PARP8: variants seen among roughly 807,000 people sequenced by gnomAD.
PARP8 encodes the protein poly(ADP-ribose) polymerase family member 8, also known as protein mono-ADP-ribosyltransferase PARP8.
In PARP8, 51 loss-of-function variants were observed where a neutral mutation model predicts 124.1. That is an observed-to-expected ratio of 0.41 (90% confidence interval 0.33 to 0.52). The LOEUF is 0.52. Ranked by LOEUF, PARP8 falls within the 20% of genes least tolerant of loss-of-function variation. PARP8 has a pLI of 0.21. For synonymous variants in PARP8, 391 were observed against 361.5 expected (o/e 1.08, Z -0.93); for missense variants, 860 against 1,018.9 (o/e 0.84, Z 2.12).
intron 2 of PARP8, among the ~76,000 whole-genome samples, chr5:50,723,307 T>G (rs1756092962): frequency 6.6e-6 from 1 of 152,102 alleles, no homozygotes; most frequent in Non-Finnish European, 1.5e-5. Flanking sequence ...GTATTAAATA[T>G]CTCTCAAGTG....
chr5:50,832,903 C>T, intron 23 of PARP8, 49 bp downstream of exon 23: 1 of 1,532,876 alleles, frequency 6.5e-7, no homozygotes, highest in South Asian at 1.1e-5. Context: ...ACTGTGGCCT[C>T]ATCAGCCAGC....
At chr5:50,727,054 T>C (rs1265188348) in intron 2 of PARP8, among the ~76,000 whole-genome samples, 1 of 152,160 alleles carries the variant, frequency 6.6e-6, no homozygotes, top group East Asian at 1.9e-4. Flanking sequence ...CCAGGGTCTT[T>C]CTGAAGGTTG....
chr5:50,821,659 C>G (rs1207479197), intron 16 of PARP8, among the ~76,000 whole-genome samples: 1 of 152,120 alleles, frequency 6.6e-6, no homozygotes, highest in African/African-American at 2.4e-5. Flanking sequence ...AATGGACTGG[C>G]CTTTCTTAAG....
intron 2 of PARP8, among the ~76,000 whole-genome samples, chr5:50,747,880 C>G: frequency 6.8e-6 from 1 of 146,356 alleles, no homozygotes; most frequent in Non-Finnish European, 1.5e-5. Context: ...TCACGCCATT[C>G]TCCTGCCCCA....
chr5:50,806,192 T>A (rs1489935314), intron 14 of PARP8, among the ~76,000 whole-genome samples: 2 of 152,176 alleles, frequency 1.3e-5, no homozygotes, highest in East Asian at 3.9e-4. Flanking sequence ...CACTTTATGG[T>A]GAGAAAAATA....
intron 10 of PARP8, among the ~76,000 whole-genome samples, chr5:50,792,808 G>C (rs1742112866): frequency 6.6e-6 from 1 of 151,992 alleles, no homozygotes; most frequent in Non-Finnish European, 1.5e-5. Flanking sequence ...ACTGCTAAAA[G>C]GGCCCCAAAA....
intron 2 of PARP8, among the ~76,000 whole-genome samples, chr5:50,714,710 C>T (rs1755122468): frequency 6.6e-6 from 1 of 152,104 alleles, no homozygotes; most frequent in African/African-American, 2.4e-5. Context: ...ATGATGGAAG[C>T]AGTCACACAG....
intron 21 of PARP8, among the ~76,000 whole-genome samples, chr5:50,829,460 T>C (rs1476941208): frequency 6.6e-6 from 1 of 152,212 alleles, no homozygotes; most frequent in Non-Finnish European, 1.5e-5. Context: ...ATGAAACTTA[T>C]GTAACCTGAA....
At chr5:50,694,289 A>G (rs1186093152) in intron 2 of PARP8, among the ~76,000 whole-genome samples, 1 of 152,200 alleles carries the variant, frequency 6.6e-6, no homozygotes, top group Admixed American at 6.5e-5. Flanking sequence ...AGTGTGGGAT[A>G]TTAGAATTCT....
chr5:50,795,825 G>C (rs1286120701), intron 12 of PARP8, among the ~76,000 whole-genome samples: 1 of 152,186 alleles, frequency 6.6e-6, no homozygotes, highest in African/African-American at 2.4e-5. Flanking sequence ...GTTAAATTGA[G>C]AATAATTCCC....
At chr5:50,771,167 T>A (rs1336888899) in intron 7 of PARP8, among the ~76,000 whole-genome samples, 1 of 151,148 alleles carries the variant, frequency 6.6e-6, no homozygotes, top group Non-Finnish European at 1.5e-5. Context: ...TATTCATTTA[T>A]TTATTTTTTG....
At chr5:50,702,304 A>G (rs1179233511) in intron 2 of PARP8, among the ~76,000 whole-genome samples, 1 of 152,182 alleles carries the variant, frequency 6.6e-6, no homozygotes, top group East Asian at 1.9e-4. Flanking sequence ...ATGTGACAAT[A>G]AATAACTTGA....
Position 50,801,342 on chromosome 5 carries a change from G to C in PARP8, c.1575+4109G>C, listed in dbSNP as rs150722149. Among the ~76,000 whole-genome samples, 634 of 151,942 alleles carry C rather than the reference G, an allele frequency of 4.2e-3. 3 individuals are homozygous for C. The highest frequency in any genetic ancestry group is 0.015 in the African/African-American group (605 of 41,460). ...TCAAACTCCTGACCTCAGGTGATCCGCCCACCTCGGCCTTCCAAAGTGATG... is the reference window on the plus strand; with the variant it reads ...TCAAACTCCTGACCTCAGGTGATCCCCCCACCTCGGCCTTCCAAAGTGATG... On this transcript the variant is annotated intron_variant, in intron 14 of 25. Transcript: ENST00000281631.
chr5:50,747,222 G>A (rs1758686943), intron 2 of PARP8, among the ~76,000 whole-genome samples: 3 of 136,340 alleles, frequency 2.2e-5, no homozygotes, highest in South Asian at 4.9e-4. Flanking sequence ...CAGCATGCCA[G>A]GGATTTGACT....
rs1297966250 is a variant in PARP8 at position 50,692,346 on chromosome 5, G to A, written c.146+24221G>A. Among the ~76,000 whole-genome samples, 11 of 151,804 alleles carry A rather than the reference G, an allele frequency of 7.2e-5. No individual in the cohort carries two copies. The South Asian group carries it at 2.3e-3, about 32-fold the overall frequency. On this transcript the variant is annotated intron_variant, in intron 2 of 25. Coordinates refer to ENST00000281631, the MANE Select transcript of PARP8 (RefSeq NM_024615.4). ...TTGTCTATTCCTGTTTATTTCAGTG[G>A]AAGTCTTCCCTAAGACTCTCAAAAT...
intron 3 of PARP8, among the ~76,000 whole-genome samples, chr5:50,754,150 T>TATATACACACACACAC (rs1312947286): frequency 1.1e-4 from 4 of 37,178 alleles, no homozygotes; most frequent in African/African-American, 3.7e-4. Flanking sequence ...TATATATATA[T>TATATACACACACACAC]ACACACACAC....
chr5:50,706,224 G>T (rs1317337763), intron 2 of PARP8, among the ~76,000 whole-genome samples: 15 of 151,606 alleles, frequency 9.9e-5, no homozygotes, highest in Non-Finnish European at 8.8e-5. Context: ...GTGAGTTTGG[G>T]TTTTTTTCAG....
chr5:50,733,224 G>A (rs2149521506), intron 2 of PARP8, among the ~76,000 whole-genome samples: 1 of 151,666 alleles, frequency 6.6e-6, no homozygotes, highest in South Asian at 2.1e-4. Flanking sequence ...AACCAGGGAG[G>A]TGGTAGTTGC....
chr5:50,770,728 GGAAA>G lies in PARP8; in HGVS notation c.519-7334_519-7331del, dbSNP rs1323535906. On this transcript the variant is annotated intron_variant, in intron 7 of 25. Transcript: ENST00000281631. ...AGAAAGGAGAGAGAAAGAAAACGAA[GGAAA>G]GAAAGAGAAAGAAAAGAAAAGATGG... is the stretch of plus-strand genomic sequence containing the variant. Among the ~76,000 whole-genome samples the G allele has an allele frequency of 2.3e-5, 3 of 132,406 alleles. No individual in the cohort carries two copies. In the East Asian group the frequency reaches 5.9e-4, roughly 26 times the overall value. The allele number at this position is 132,406 out of a possible 152,430, so 86.9% of individuals were successfully genotyped here. A position where few individuals can be genotyped will look rare whatever the true frequency, so the allele number is the denominator to read the frequency against.
Sources: allele counts gnomAD v4.1 joint callset (sites outside exome capture counted in the v4.1 genomes callset), GRCh38; gene constraint gnomAD v4.1.1; transcripts MANE v1.5; gene names NCBI Gene and HGNC (gene_info 2026-07-23, HGNC 2026-07-21).